PTPRS: variants seen among roughly 807,000 people sequenced by gnomAD.
The protein encoded by PTPRS is protein tyrosine phosphatase receptor type S.
PTPRS carries 63 observed loss-of-function variants against 215.3 expected under a neutral mutation model. That is an observed-to-expected ratio of 0.29 (90% CI 0.24 to 0.36). The LOEUF is 0.36. Among genes scored for constraint, PTPRS ranks in the 10% least tolerant of loss-of-function variants. PTPRS has a pLI of 1.00. For synonymous variants in PTPRS, 1,404 were observed against 1,191.4 expected, an observed-to-expected ratio of 1.18 and a Z score of -3.68; for missense variants, 2,258 against 2,825.8, an observed-to-expected ratio of 0.80 and a Z score of 4.56.
intron 3 of PTPRS, among the ~76,000 whole-genome samples, chr19:5,273,987 G>A (rs778204127): frequency 1.3e-5 from 2 of 152,228 alleles, no homozygotes; most frequent in African/African-American, 4.8e-5. Context: ...ACTCAGAGAG[G>A]GCAGGGCTTT....
At chr19:5,317,962 G>A (rs899288388) in intron 1 of PTPRS, among the ~76,000 whole-genome samples, 4 of 152,194 alleles carry the variant, frequency 2.6e-5, no homozygotes, top group Non-Finnish European at 5.9e-5. Context: ...ATGAGGTCAG[G>A]AGATCGAGAC....
chr19:5,245,620 C>T (rs565675760), intron 10 of PTPRS, among the ~76,000 whole-genome samples, 156 bp downstream of exon 10: 35 of 152,328 alleles, frequency 2.3e-4, no homozygotes, highest in African/African-American at 8.4e-4. Flanking sequence ...ATAAATAATA[C>T]CTGTTCAAAG....
At chr19:5,284,217 G>A (rs1163552661) in intron 2 of PTPRS, among the ~76,000 whole-genome samples, 5 of 151,600 alleles carry the variant, frequency 3.3e-5, no homozygotes, top group Admixed American at 6.6e-5. Flanking sequence ...AAAATTAGCC[G>A]GGTGTGGTGG....
chr19:5,219,022 A>G, intron 23 of PTPRS: 1 of 630,872 alleles, frequency 1.6e-6, no homozygotes, highest in Non-Finnish European at 2.7e-6. Context: ...TGGGGCCACT[A>G]CAATTGCTAT....
chr19:5,238,225 G>A (rs374872810), intron 13 of PTPRS, among the ~76,000 whole-genome samples: 1 of 152,130 alleles, frequency 6.6e-6, no homozygotes, highest in Admixed American at 6.5e-5. Context: ...AGGGAGAGAG[G>A]GTGGCGGTGA....
At chr19:5,289,182 TC>T (rs1011514661) in intron 1 of PTPRS, among the ~76,000 whole-genome samples, 49 of 152,006 alleles carry the variant, frequency 3.2e-4, no homozygotes, top group African/African-American at 1.2e-3. Context: ...CCCACAATCC[TC>T]CCACCGACTC....
chr19:5,228,076 G>C (rs10409932), intron 16 of PTPRS, among the ~76,000 whole-genome samples: 4 of 152,002 alleles, frequency 2.6e-5, no homozygotes, highest in African/African-American at 9.7e-5. Context: ...GGGTCTCTGC[G>C]AGAAGAGCAG....
chr19:5,209,175 A>G (rs2040638886), intron 35 of PTPRS, among the ~76,000 whole-genome samples: 1 of 152,162 alleles, frequency 6.6e-6, no homozygotes, highest in Admixed American at 6.5e-5. Context: ...CCATTCAGTG[A>G]TGGCATCTTC....
At chr19:5,266,952 A>C (rs1046173280) in intron 4 of PTPRS, among the ~76,000 whole-genome samples, 25 of 151,940 alleles carry the variant, frequency 1.6e-4, no homozygotes, top group Non-Finnish European at 4.4e-5. Context: ...AAATGCCCCC[A>C]CACTCCTCAC....
intron 9 of PTPRS, among the ~76,000 whole-genome samples, chr19:5,255,454 T>TA (rs1237870054): frequency 6.7e-6 from 1 of 150,220 alleles, no homozygotes; most frequent in Non-Finnish European, 1.5e-5. Context: ...CAAAACCAAA[T>TA]AGCACAGACA....
rs549078297 is a variant in PTPRS at position 5,252,235 on chromosome 19, G to A, written c.718+3873C>T. Among the ~76,000 whole-genome samples, 144 of 152,128 alleles carry A rather than the reference G, an allele frequency of 9.5e-4. 1 individual carries two copies. The highest frequency in any genetic ancestry group is 3.3e-3 in the African/African-American group (135 of 41,512). On this transcript the variant is annotated intron_variant, in intron 9 of 37. Transcript: ENST00000262963. ...TGCGTTAAATTATGCCAGTCCCATC[G>A]GCCTCTTCCAAAACCTTGAAGATAT...
intron 22 of PTPRS, 144 bp from the exon 23 acceptor site, chr19:5,219,611 A>T: frequency 9.5e-7 from 1 of 1,053,758 alleles, no homozygotes; most frequent in Non-Finnish European, 1.3e-6. Context: ...GGCCTATGTG[A>T]CCTGGTCCCT....
chr19:5,335,146 T>C (rs1018021432), intron 1 of PTPRS, among the ~76,000 whole-genome samples: 4 of 152,128 alleles, frequency 2.6e-5, no homozygotes, highest in Non-Finnish European at 4.4e-5. Context: ...GCCTGCCTCA[T>C]CCGAGGGTCC....
Position 5,223,140 on chromosome 19 carries a change from C to G in PTPRS, c.2652G>C (p.Pro884=). ...ATGCCGTGTAGCGGTCCTCGGAGGGCGGGAACTCCAGGGTGGCCAGGGGCG... is the reference window on the plus strand; with the variant it reads ...ATGCCGTGTAGCGGTCCTCGGAGGGGGGGAACTCCAGGGTGGCCAGGGGCG... ...DSTPLATLEF[P]PSEDRYTASG... Residue 884 remains proline, a synonymous_variant, in exon 18 of 38, where the codon CCG becomes CCC. Coordinates refer to ENST00000262963, the MANE Select transcript of PTPRS (RefSeq NM_002850.4). 6.4e-7 allele frequency: 1 copy of G among 1,571,054 alleles called. No homozygotes were observed. Among genetic ancestry groups the G allele is most frequent in the East Asian group, 2.4e-5 (1 of 42,434 alleles).
intron 1 of PTPRS, among the ~76,000 whole-genome samples, chr19:5,292,982 C>A (rs2048959737): frequency 6.6e-6 from 1 of 152,130 alleles, no homozygotes; most frequent in African/African-American, 2.4e-5. Flanking sequence ...GCAGCAGGCC[C>A]AAGCTGGCCC....
intron 2 of PTPRS, among the ~76,000 whole-genome samples, chr19:5,280,519 G>A (rs2047756431): frequency 6.6e-6 from 1 of 152,032 alleles, no homozygotes. Flanking sequence ...AGGAGTTCAG[G>A]ACCAGCCTGG....
intron 5 of PTPRS, 62 bp from the exon 6 acceptor site, chr19:5,263,034 G>C (rs1326802241): frequency 1.0e-6 from 1 of 968,070 alleles, no homozygotes; most frequent in Non-Finnish European, 1.4e-6. Context: ...TGGTTACAAA[G>C]AATCCTATGT....
chr19:5,236,872 T>G (rs1236680257), intron 13 of PTPRS, among the ~76,000 whole-genome samples: 1 of 124,718 alleles, frequency 8.0e-6, no homozygotes, highest in African/African-American at 3.4e-5. Context: ...AAAACAACAA[T>G]CAAGGAATGT....
intron 1 of PTPRS, among the ~76,000 whole-genome samples, chr19:5,327,304 G>C (rs997226664): frequency 2.0e-5 from 3 of 152,112 alleles, no homozygotes; most frequent in Non-Finnish European, 2.9e-5. Flanking sequence ...TGATATCTTA[G>C]CCAGTTTGGG....
Sources: allele counts gnomAD v4.1 joint callset (sites outside exome capture counted in the v4.1 genomes callset), GRCh38; gene constraint gnomAD v4.1.1; transcripts MANE v1.5; gene names NCBI Gene and HGNC (gene_info 2026-07-23, HGNC 2026-07-21).